The following PARM1 variants were observed in gnomAD, a reference collection of about 807,000 sequenced individuals.
The protein encoded by PARM1 is prostate androgen-regulated mucin-like protein 1.
In PARM1, 14 loss-of-function variants were observed where a neutral mutation model predicts 24.6. The observed-to-expected ratio is 0.57, with a 90% CI of 0.38 to 0.89. The LOEUF (loss-of-function observed/expected upper bound fraction) is 0.89, where lower values mean the gene tolerates loss of function less well. Ranked by LOEUF, PARM1 falls within the 40% of genes least tolerant of loss-of-function variation. PARM1 has a pLI of 0.00. For synonymous variants in PARM1, 179 were observed against 156.6 expected (o/e 1.14, Z -1.07); for missense variants, 362 against 380.4 (o/e 0.95, Z 0.40).
In PARM1 at chr4:74,972,706, C is replaced by T. The variant is rs533959105; in HGVS notation, c.43+39336C>T. Among the ~76,000 whole-genome samples, 107 of 152,072 alleles carry T rather than the reference C, an allele frequency of 7.0e-4. 2 individuals are homozygous for T. Among genetic ancestry groups the T allele is most frequent in the East Asian group, 1.9e-4 (1 of 5,168 alleles). On this transcript the variant is annotated intron_variant, in intron 1 of 3. Transcript: ENST00000307428. ...AGTAGTACTTCATGATTTCTTTTTC[C>T]GATCAGCAGAAAGTAACATAAGCTC...
chr4:74,954,839 G>T (rs989265875), intron 1 of PARM1, among the ~76,000 whole-genome samples: 4 of 152,070 alleles, frequency 2.6e-5, no homozygotes, highest in African/African-American at 9.7e-5. Context: ...ATTTTTCTTA[G>T]CATCAGACTT....
At chr4:75,045,338 G>C (rs903075390) in intron 3 of PARM1, among the ~76,000 whole-genome samples, 1 of 152,228 alleles carries the variant, frequency 6.6e-6, no homozygotes, top group Non-Finnish European at 1.5e-5. Context: ...GCATTTTAAT[G>C]ATTTGGCTTT....
At chr4:74,989,327 T>A (rs1380206258) in intron 1 of PARM1, among the ~76,000 whole-genome samples, 2 of 152,188 alleles carry the variant, frequency 1.3e-5, no homozygotes, top group East Asian at 3.9e-4. Flanking sequence ...TGGCTATAAA[T>A]CAAGATTCCC....
intron 1 of PARM1, among the ~76,000 whole-genome samples, chr4:74,954,982 G>A (rs1721604223): frequency 6.6e-6 from 1 of 152,126 alleles, no homozygotes; most frequent in African/African-American, 2.4e-5. Context: ...AGCCATGGTG[G>A]ATAAAGTTTC....
At chr4:74,940,203 G>A (rs956471981) in intron 1 of PARM1, among the ~76,000 whole-genome samples, 2 of 152,134 alleles carry the variant, frequency 1.3e-5, no homozygotes, top group Non-Finnish European at 2.9e-5. Context: ...GTACACAAGC[G>A]TAACTTCATT....
intron 2 of PARM1, among the ~76,000 whole-genome samples, chr4:75,013,400 C>T (rs974980338): frequency 6.6e-6 from 1 of 152,202 alleles, no homozygotes; most frequent in Non-Finnish European, 1.5e-5. Context: ...GGAATGTAAG[C>T]ACATGAGACC....
chr4:74,960,871 G>A (rs936509015), intron 1 of PARM1, among the ~76,000 whole-genome samples: 6 of 151,802 alleles, frequency 4.0e-5, no homozygotes, highest in Admixed American at 2.0e-4. Flanking sequence ...AAAAATTAGC[G>A]GGGTGTGGTG....
chr4:74,959,253 T>A (rs2109988306), intron 1 of PARM1, among the ~76,000 whole-genome samples: 1 of 152,292 alleles, frequency 6.6e-6, no homozygotes, highest in Middle Eastern at 3.4e-3. Flanking sequence ...AAAGCTCTTA[T>A]CCTCCCCCCC....
At position 74,933,161 on chromosome 4, in the gene PARM1, C is replaced by G. The variant is rs1253061988; in HGVS notation, c.-167C>G. 1 of 589,220 alleles carries G rather than the reference C, an allele frequency of 1.7e-6. No individual in the cohort carries two copies. Among genetic ancestry groups the G allele is most frequent in the African/African-American group, 1.9e-5 (1 of 52,046 alleles). 36.5% of individuals were successfully genotyped at this position (589,220 alleles called of 1,614,324 possible). A position where few individuals can be genotyped will look rare whatever the true frequency, so the allele number is the denominator to read the frequency against. On this transcript the variant is annotated 5_prime_UTR_variant, in exon 1 of 4. Coordinates refer to ENST00000307428, the MANE Select transcript of PARM1 (RefSeq NM_015393.4). ...AGGGCACGCAGCTGACGGAGCTGCG[C>G]TGCGTTCGCCTCGTTTGCCTCGCGC...
At chr4:74,960,098 G>A (rs1413396892) in intron 1 of PARM1, among the ~76,000 whole-genome samples, 3 of 152,222 alleles carry the variant, frequency 2.0e-5, no homozygotes, top group Non-Finnish European at 2.9e-5. Context: ...GTTTGTAGGA[G>A]CCAGGGTGAG....
chr4:75,025,893 A>G (rs1237991840), intron 2 of PARM1, among the ~76,000 whole-genome samples: 1 of 152,196 alleles, frequency 6.6e-6, no homozygotes, highest in Admixed American at 6.5e-5. Context: ...AATTCTGCCC[A>G]CTAACTAGCA....
intron 1 of PARM1, among the ~76,000 whole-genome samples, chr4:74,969,195 C>T (rs1010800872): frequency 2.0e-5 from 3 of 152,162 alleles, no homozygotes; most frequent in African/African-American, 7.2e-5. Context: ...TTCTCACTTA[C>T]AGAAGTACCC....
intron 2 of PARM1, among the ~76,000 whole-genome samples, chr4:75,013,974 C>T (rs1722930735): frequency 6.6e-6 from 1 of 152,140 alleles, no homozygotes; most frequent in Non-Finnish European, 1.5e-5. Context: ...CATTTCACCA[C>T]TTAGCTGAGA....
At chr4:75,014,677 T>C (rs1215700187) in intron 2 of PARM1, among the ~76,000 whole-genome samples, 1 of 152,184 alleles carries the variant, frequency 6.6e-6, no homozygotes, top group Non-Finnish European at 1.5e-5. Flanking sequence ...GTGTGGTCCA[T>C]GCAGGTTGGC....
intron 2 of PARM1, among the ~76,000 whole-genome samples, chr4:75,028,682 G>A (rs1202373268): frequency 6.6e-6 from 1 of 152,162 alleles, no homozygotes; most frequent in East Asian, 1.9e-4. Flanking sequence ...TCTATGGATA[G>A]CAGTGAGACA....
chr4:74,972,402 T>C (rs1033691937), intron 1 of PARM1, among the ~76,000 whole-genome samples: 15 of 152,244 alleles, frequency 9.9e-5, no homozygotes, highest in African/African-American at 3.4e-4. Context: ...AATCCCTTTA[T>C]TTGGCACTGA....
At chr4:75,034,777 T>A (rs966240588) in intron 3 of PARM1, 17 of 152,316 alleles carry the variant, frequency 1.1e-4, no homozygotes, top group African/African-American at 3.1e-4. Flanking sequence ...CACTCACCCT[T>A]GACCTCCAAT....
chr4:75,021,300 C>T (rs1371226550), intron 2 of PARM1, among the ~76,000 whole-genome samples: 3 of 152,214 alleles, frequency 2.0e-5, no homozygotes, highest in African/African-American at 7.2e-5. Flanking sequence ...GTCTAAAGGA[C>T]TTTCTGCTGC....
intron 2 of PARM1, among the ~76,000 whole-genome samples, chr4:75,032,248 C>G (rs1723288684): frequency 1.3e-5 from 2 of 152,156 alleles, no homozygotes. Flanking sequence ...TGGTCTTAGT[C>G]TTAATGTTAG....
Sources: gnomAD v4.1 joint callset for allele counts (sites outside exome capture counted in the v4.1 genomes callset) on GRCh38, gnomAD v4.1.1 for gene constraint, MANE v1.5 for transcripts, NCBI Gene and HGNC (gene_info 2026-07-23, HGNC 2026-07-21) for gene names.